Variants in ACOT1 observed in about 807,000 individuals in gnomAD.
The protein encoded by ACOT1 is acyl-coenzyme A thioesterase 1.
ACOT1 carries 8 observed loss-of-function variants against 15.7 expected under a neutral mutation model. The ratio of observed to expected loss-of-function variants is 0.51; its 90% CI spans 0.30 to 0.92. The LOEUF (loss-of-function observed/expected upper bound fraction) is 0.92, where lower values mean the gene tolerates loss of function less well. ACOT1 is among the 40% of genes least tolerant of loss of function. The pLI, the probability that ACOT1 is intolerant of heterozygous loss-of-function variation, is 0.06. For missense variants in ACOT1, 151 were observed against 539.4 expected (o/e 0.28, Z 7.13); for synonymous variants, 67 against 241.2 (o/e 0.28, Z 6.69).
the ACOT1 span, among the ~76,000 whole-genome samples, chr14:73,497,588 T>G: frequency 2.6e-4 from 39 of 152,230 alleles, 1 homozygote; most frequent in Non-Finnish European, 5.6e-4. Context: ...CCAATAGGCA[T>G]TTGATAAATG....
the ACOT1 span, chr14:73,509,162 T>C: frequency 2.6e-6 from 2 of 759,144 alleles, no homozygotes; most frequent in Non-Finnish European, 4.3e-6. Flanking sequence ...CGACAGTGTC[T>C]GGTCCTAATT....
In ACOT1 at chr14:73,541,414, A is replaced by G. The variant is rs1889083938; in HGVS notation, c.458-79A>G. ...TTGCTGGGTCACATGTGTGGTAAGTATATGTTTAACTTGGTAAGAAACCAT... is the reference window on the plus strand; with the variant it reads ...TTGCTGGGTCACATGTGTGGTAAGTGTATGTTTAACTTGGTAAGAAACCAT... On this transcript the variant is annotated intron_variant, in intron 1 of 2. Coordinates refer to ENST00000311148, the MANE Select transcript of ACOT1 (RefSeq NM_001037161.2). The G allele has an allele frequency of 6.3e-6, 7 of 1,116,518 alleles. 2 individuals carry two copies. Among genetic ancestry groups the G allele is most frequent in the Non-Finnish European group, 8.5e-6 (7 of 820,640 alleles). 69.2% of individuals were successfully genotyped at this position (1,116,518 alleles called of 1,614,324 possible). A position where few individuals can be genotyped will look rare whatever the true frequency, so the allele number is the denominator to read the frequency against.
upstream of ACOT1, among the ~76,000 whole-genome samples, chr14:73,535,465 C>CTTTTTTTTTTTTTTTTTTTTT: frequency 6.3e-5 from 1 of 15,806 alleles, no homozygotes. Context: ...TCTTTTTCTT[C>CTTTTTTTTTTTTTTTTTTTTT]TTTCTTTTTT....
At chr14:73,495,094 G>A in the ACOT1 span, 1 of 646,524 alleles carries the variant, frequency 1.5e-6, no homozygotes, top group South Asian at 2.7e-5. Flanking sequence ...GTGGATGGTA[G>A]CCAAGAGGGA....
At chr14:73,502,339 A>G in the ACOT1 span, among the ~76,000 whole-genome samples, 44 of 152,154 alleles carry the variant, frequency 2.9e-4, no homozygotes, top group Middle Eastern at 3.4e-3. Flanking sequence ...AGGTGTTTGT[A>G]TATTTTGCAT....
rs770978829 is a variant in ACOT1 at position 73,539,778 on chromosome 14, C to T, written c.458-1715C>T. On this transcript the variant is annotated intron_variant, in intron 1 of 2. Transcript: ENST00000311148. ...TCCATCAGCACACGCGTGGGCTGTG[C>T]TCATCGCTGCCGGGGCACTGGGGTT... 1.3e-4 allele frequency: 15 copies of T among 117,312 alleles called. 1 individual carries two copies. The highest frequency in any genetic ancestry group is 4.2e-4 in the African/African-American group (15 of 36,020). The allele number at this position is 117,312 out of a possible 1,614,324, so 7.3% of individuals were successfully genotyped here. A position where few individuals can be genotyped will look rare whatever the true frequency, so the allele number is the denominator to read the frequency against.
At chr14:73,519,613 CT>C in the ACOT1 span, among the ~76,000 whole-genome samples, 1 of 152,130 alleles carries the variant, frequency 6.6e-6, no homozygotes, top group African/African-American at 2.4e-5. Context: ...GGTACAGCTA[CT>C]CGGGAGGCTG....
the ACOT1 span, among the ~76,000 whole-genome samples, chr14:73,524,310 A>AAAAAATATATATATAT: frequency 2.4e-4 from 13 of 54,768 alleles, no homozygotes; most frequent in South Asian, 2.4e-3. Context: ...AAAAAAAAAA[A>AAAAAATATATATATAT]ATATATATAT....
the ACOT1 span, among the ~76,000 whole-genome samples, chr14:73,495,694 C>G: frequency 1.3e-5 from 2 of 152,110 alleles, no homozygotes; most frequent in African/African-American, 2.4e-5. Context: ...TATACCTGTT[C>G]GTGAAAATTT....
At chr14:73,521,020 G>C in the ACOT1 span, 2 of 1,613,608 alleles carry the variant, frequency 1.2e-6, no homozygotes, top group South Asian at 1.1e-5. Flanking sequence ...GTCTCTGCTT[G>C]TTGGAAGTAA....
the ACOT1 span, among the ~76,000 whole-genome samples, chr14:73,506,804 G>GTTTTTTTTTTTTTTGTTTTTTT: frequency 3.4e-4 from 27 of 80,520 alleles, no homozygotes; most frequent in African/African-American, 3.9e-4. Flanking sequence ...GACTTTAACT[G>GTTTTTTTTTTTTTTGTTTTTTT]TTTTTTTTTT....
chr14:73,505,014 C>T, the ACOT1 span, among the ~76,000 whole-genome samples: 7 of 152,038 alleles, frequency 4.6e-5, no homozygotes, highest in East Asian at 1.9e-4. Context: ...TCACTGAAAC[C>T]GCCGCCTCCC....
the ACOT1 span, chr14:73,513,968 C>G: frequency 1.3e-6 from 2 of 1,508,006 alleles, no homozygotes; most frequent in Non-Finnish European, 1.8e-6. Context: ...CTGAGAAAGC[C>G]TAGTCCCAGA....
chr14:73,514,220 GCA>G, the ACOT1 span: 1 of 1,614,050 alleles, frequency 6.2e-7, no homozygotes, highest in Non-Finnish European at 8.5e-7. Context: ...AGGGCTCCTT[GCA>G]CAGGTCTGTA....
Position 73,537,826 on chromosome 14 carries a change from G to A in ACOT1, c.405G>A (p.Arg135=), listed in dbSNP as rs1370212438. The A allele has an allele frequency of 2.5e-6, 3 of 1,207,098 alleles. 1 individual carries two copies. Among genetic ancestry groups the A allele is most frequent in the Non-Finnish European group, 2.2e-6 (2 of 922,426 alleles). The allele number at this position is 1,207,098 out of a possible 1,614,324, so 74.8% of individuals were successfully genotyped here. A position where few individuals can be genotyped will look rare whatever the true frequency, so the allele number is the denominator to read the frequency against. The change falls in exon 1 of 3, where the codon CGG becomes CGA. Residue 135 remains arginine, a synonymous_variant. Transcript: ENST00000311148. The part of the protein sequence containing the change: ...HERYFLPPGV[R]REPVRAGRVR... ...GCTACTTCCTCCCGCCCGGGGTGCG[G>A]CGCGAGCCGGTGCGCGCGGGCCGGG...
the ACOT1 span, chr14:73,491,627 C>G: frequency 3.2e-6 from 5 of 1,549,274 alleles, no homozygotes; most frequent in Non-Finnish European, 4.4e-6. Flanking sequence ...GCGAGCGGCC[C>G]GCCTCTTTGA....
chr14:73,500,222 T>A, the ACOT1 span, among the ~76,000 whole-genome samples: 1 of 151,104 alleles, frequency 6.6e-6, no homozygotes, highest in Admixed American at 6.6e-5. Flanking sequence ...AGAGCGAGAC[T>A]CCGTCTCAAA....
upstream of ACOT1, among the ~76,000 whole-genome samples, chr14:73,533,881 TAAAA>T (rs59844752): frequency 7.9e-5 from 3 of 37,970 alleles, no homozygotes; most frequent in Admixed American, 3.8e-4. Context: ...ACCCTGTCTC[TAAAA>T]AAAAAAAAAA....
At chr14:73,492,696 G>A in the ACOT1 span, 2 of 1,614,012 alleles carry the variant, frequency 1.2e-6, no homozygotes, top group East Asian at 4.5e-5. The surrounding 1 kb of genome is among the most constrained non-coding windows in gnomAD (Gnocchi z 4.9). Flanking sequence ...CGGCTGGTGG[G>A]TGAGGGGGGC....
Sources: allele counts gnomAD v4.1 joint callset (sites outside exome capture counted in the v4.1 genomes callset), GRCh38; gene constraint gnomAD v4.1.1; non-coding constraint Gnocchi (gnomAD v3.1); transcripts MANE v1.5; gene names NCBI Gene and HGNC (gene_info 2026-07-23, HGNC 2026-07-21).